The following ABLIM2 variants were observed in gnomAD, a reference collection of about 807,000 sequenced individuals.
ABLIM2 encodes the protein actin-binding LIM protein 2.
ABLIM2 carries 53 observed loss-of-function variants against 97.7 expected under a neutral mutation model. The ratio of observed to expected loss-of-function variants is 0.54; its 90% CI spans 0.44 to 0.68. The LOEUF (loss-of-function observed/expected upper bound fraction) is 0.68. ABLIM2 is among the 30% of genes least tolerant of loss of function. The pLI is 0.00. For synonymous variants in ABLIM2, 361 were observed against 345.8 expected (o/e 1.04, Z -0.49); for missense variants, 835 against 867.2 (o/e 0.96, Z 0.47).
At chr4:8,010,267 A>G (rs1210862134) in intron 14 of ABLIM2, among the ~76,000 whole-genome samples, 1 of 152,166 alleles carries the variant, frequency 6.6e-6, no homozygotes, top group Non-Finnish European at 1.5e-5. Context: ...CCATGCTGAC[A>G]TTTCTCGGCA....
intron 18 of ABLIM2, among the ~76,000 whole-genome samples, chr4:7,984,604 G>T (rs1225266615): frequency 6.6e-6 from 1 of 152,364 alleles, no homozygotes; most frequent in East Asian, 1.9e-4. Context: ...GGACAGGGCC[G>T]CCGTGGCCAT....
At position 8,112,566 on chromosome 4, in the gene ABLIM2, GA is replaced by G. The variant is rs1840879414; in HGVS notation, c.11-5930del. On this transcript the variant is annotated intron_variant, in intron 1 of 20. Coordinates refer to ENST00000447017, the MANE Select transcript of ABLIM2 (RefSeq NM_001130083.2). The surrounding 1 kb of genome is among the most constrained non-coding windows in gnomAD (Gnocchi z 4.2). ...GGTGGCTATCAGAAAGAGGAAAAACGATGACTCTGAGGTCTACTCGAGGTTT... is the reference window on the plus strand; with the variant it reads ...GGTGGCTATCAGAAAGAGGAAAAACGTGACTCTGAGGTCTACTCGAGGTTT... Among the ~76,000 whole-genome samples the G allele has an allele frequency of 6.6e-6, 1 of 152,156 alleles. No individual in the cohort carries two copies. The highest frequency in any genetic ancestry group is 2.4e-5 in the African/African-American group (1 of 41,430).
At chr4:8,106,467 C>T (rs1276082402) in intron 2 of ABLIM2, 27 bp downstream of exon 2, 3 of 1,578,728 alleles carry the variant, frequency 1.9e-6, no homozygotes, top group South Asian at 2.3e-5. Context: ...TCAGGGGCCA[C>T]ACTGCAGGGG....
In ABLIM2 at chr4:8,132,478, C is replaced by A. The variant is rs145837109; in HGVS notation, c.11-25841G>T. Among the ~76,000 whole-genome samples the A allele has an allele frequency of 6.6e-6, 1 of 152,158 alleles. No individual in the cohort carries two copies. Among genetic ancestry groups the A allele is most frequent in the Non-Finnish European group, 1.5e-5 (1 of 68,024 alleles). On this transcript the variant is annotated intron_variant, in intron 1 of 20. Transcript: ENST00000447017. This position sits in a 1 kb window ranked among gnomAD's most constrained non-coding sequence, Gnocchi z 8.0. ...AGACCATCCAGTCCCTGGAGAAGGA[C>A]GCCCAGCCCTGGCCTTTCCTGAGCA...
rs1722836451 is a variant in ABLIM2 at position 7,966,020 on chromosome 4, A to G, written c.*970T>C. 6.6e-6 allele frequency: 1 copy of G among 152,244 alleles called. No individual in the cohort carries two copies. 9.4% of individuals were successfully genotyped at this position (152,244 alleles called of 1,614,324 possible). On this transcript the variant is annotated 3_prime_UTR_variant, in exon 21 of 21. Transcript: ENST00000447017. The stretch of plus-strand genomic sequence containing the variant: ...AGGATGTTTTCTCCCCAAGACTTGG[A>G]AAAATAACAGCAAGGAAAACAGTGG...
chr4:8,090,953 C>T (rs1198006937), intron 3 of ABLIM2, among the ~76,000 whole-genome samples: 1 of 152,030 alleles, frequency 6.6e-6, no homozygotes, highest in African/African-American at 2.4e-5. Flanking sequence ...TGCCAACCAG[C>T]CTCTCCGCGG....
At chr4:7,976,519 G>A (rs1458022092) in intron 20 of ABLIM2, among the ~76,000 whole-genome samples, 1 of 152,112 alleles carries the variant, frequency 6.6e-6, no homozygotes, top group Non-Finnish European at 1.5e-5. Flanking sequence ...GGCCCTGCAG[G>A]GCCTATCCGG....
chr4:8,088,336 G>GA, intron 3 of ABLIM2, 52 bp from the exon 4 acceptor site: 2 of 1,442,184 alleles, frequency 1.4e-6, no homozygotes, highest in Non-Finnish European at 1.9e-6. Flanking sequence ...GCTCCTCTCT[G>GA]GGGGAGCCCT....
chr4:8,008,985 C>A, intron 15 of ABLIM2, 65 bp downstream of exon 15: 1 of 1,572,710 alleles, frequency 6.4e-7, no homozygotes, highest in Admixed American at 1.7e-5. Context: ...ATCGGAGAAG[C>A]CCTCACAAAA....
rs904116689 is a variant in ABLIM2, at chr4:8,021,840, G to A, written c.1268-1537C>T. On this transcript the variant is annotated intron_variant, in intron 12 of 20. Coordinates refer to ENST00000447017, the MANE Select transcript of ABLIM2 (RefSeq NM_001130083.2). This position sits in a 1 kb window ranked among gnomAD's most constrained non-coding sequence, Gnocchi z 5.5. ...GATTTTGCCTGTCAATGCTGATGGA[G>A]CGTCAGATAACTGCCCTTCCCTTAG... is the stretch of plus-strand genomic sequence containing the variant. Among the ~76,000 whole-genome samples, 1 of 152,226 alleles carries A rather than the reference G, an allele frequency of 6.6e-6. No homozygotes were observed. Among genetic ancestry groups the A allele is most frequent in the Non-Finnish European group, 1.5e-5 (1 of 68,040 alleles).
chr4:8,100,907 G>C (rs1834251243), intron 2 of ABLIM2, among the ~76,000 whole-genome samples: 1 of 152,180 alleles, frequency 6.6e-6, no homozygotes, highest in South Asian at 2.1e-4. Context: ...GGAGGATATT[G>C]ACATGAATGT....
At chr4:8,030,276 C>T (rs765029003) in intron 10 of ABLIM2, among the ~76,000 whole-genome samples, 6 of 152,258 alleles carry the variant, frequency 3.9e-5, no homozygotes, top group Admixed American at 1.3e-4. Context: ...CCACAAGCAC[C>T]GACATGGCAG....
rs1255215577 is a variant in ABLIM2 at position 7,980,938 on chromosome 4, C to CTTTTTTTTTTTTTTTTTT, written c.1824+2325_1824+2326insAAAAAAAAAAAAAAAAAA. 6.4e-3 allele frequency among the ~76,000 whole-genome samples: 243 copies of CTTTTTTTTTTTTTTTTTT among 38,224 alleles called. 2 individuals carry two copies. The highest frequency in any genetic ancestry group is 0.015 in the African/African-American group (139 of 9,034). 25.1% of individuals were successfully genotyped at this position (38,224 alleles called of 152,430 possible). On this transcript the variant is annotated intron_variant, in intron 20 of 20. Coordinates refer to ENST00000447017, the MANE Select transcript of ABLIM2 (RefSeq NM_001130083.2). ...ATAAGAACCATGGTCTCCACAACCC[C>CTTTTTTTTTTTTTTTTTT]TTATTTTTTTTTTTTTTTTTTTTGA... is the stretch of plus-strand genomic sequence containing the variant.
At chr4:7,974,612 T>TCCATCCATCCAC (rs1731417306) in intron 20 of ABLIM2, among the ~76,000 whole-genome samples, 3 of 144,054 alleles carry the variant, frequency 2.1e-5, no homozygotes, top group Non-Finnish European at 4.6e-5. Context: ...ATCCAATCCA[T>TCCATCCATCCAC]CCATCCATCC....
At position 8,149,729 on chromosome 4, in the gene ABLIM2, C is replaced by A. The variant is rs1433193195; in HGVS notation, c.10+8951G>T. Among the ~76,000 whole-genome samples, 1 of 152,010 alleles carries A rather than the reference C, an allele frequency of 6.6e-6. No individual in the cohort carries two copies. On this transcript the variant is annotated intron_variant, in intron 1 of 20. Coordinates refer to ENST00000447017, the MANE Select transcript of ABLIM2 (RefSeq NM_001130083.2). The surrounding 1 kb of genome is among the most constrained non-coding windows in gnomAD (Gnocchi z 6.4). ...ACAGAAGGGACATTCTGGAAGAGCT[C>A]TGAGCCCTTGGGAGGCTGTTGACTG...
At position 8,128,114 on chromosome 4, in the gene ABLIM2, G is replaced by C. The variant is rs1046375283; in HGVS notation, c.11-21477C>G. 1.3e-5 allele frequency among the ~76,000 whole-genome samples: 2 copies of C among 152,220 alleles called. No homozygotes were observed. Among genetic ancestry groups the C allele is most frequent in the Non-Finnish European group, 2.9e-5 (2 of 68,042 alleles). ...AGGCTGCCTCTTCCCGCTGCTGGTG[G>C]CTCCAGGCGCCCTTTGGTATGTGGC... is the stretch of plus-strand genomic sequence containing the variant. On this transcript the variant is annotated intron_variant, in intron 1 of 20. Transcript: ENST00000447017. This position sits in a 1 kb window ranked among gnomAD's most constrained non-coding sequence, Gnocchi z 4.9.
At chr4:8,042,605 C>T (rs1202507656) in intron 9 of ABLIM2, among the ~76,000 whole-genome samples, 1 of 152,168 alleles carries the variant, frequency 6.6e-6, no homozygotes, top group Non-Finnish European at 1.5e-5. Flanking sequence ...CTGTGGCAGG[C>T]CAGGCGAGTG....
intron 6 of ABLIM2, among the ~76,000 whole-genome samples, chr4:8,065,637 A>G (rs1806595582): frequency 6.6e-6 from 1 of 152,136 alleles, no homozygotes; most frequent in Admixed American, 6.6e-5. Context: ...GAGAAATGAA[A>G]ACTTGGCTGG....
intron 1 of ABLIM2, among the ~76,000 whole-genome samples, chr4:8,137,477 G>C (rs368573561): frequency 6.6e-6 from 1 of 152,218 alleles, no homozygotes; most frequent in Non-Finnish European, 1.5e-5. Flanking sequence ...GCAGGGGAGC[G>C]GGGGCGTCCC....
Sources: gnomAD v4.1 joint callset for allele counts (sites outside exome capture counted in the v4.1 genomes callset) on GRCh38, gnomAD v4.1.1 for gene constraint, Gnocchi (gnomAD v3.1) non-coding constraint, MANE v1.5 for transcripts, NCBI Gene and HGNC (gene_info 2026-07-23, HGNC 2026-07-21) for gene names.